Variants in PLXNB2 observed in about 807,000 individuals in gnomAD.
PLXNB2 encodes the protein plexin B2, also known as plexin-B2.
Under a neutral mutation model 202.6 loss-of-function variants are expected in PLXNB2, and 85 were observed. The observed-to-expected ratio is 0.42, with a 90% CI of 0.35 to 0.50. The LOEUF (loss-of-function observed/expected upper bound fraction) is 0.50. Among genes scored for constraint, PLXNB2 ranks in the 20% least tolerant of loss-of-function variants. PLXNB2 has a pLI of 0.02. For missense variants in PLXNB2, 2,063 were observed against 2,586.2 expected (o/e 0.80, Z 4.39); for synonymous variants, 1,239 against 1,137.6 (o/e 1.09, Z -1.79).
rs970534842 is a variant in PLXNB2 at position 50,275,223 on chromosome 22, G to A, written c.*481C>T. The A allele has an allele frequency of 1.8e-5, 6 of 341,240 alleles. No individual in the cohort carries two copies. Among genetic ancestry groups the A allele is most frequent in the Non-Finnish European group, 2.3e-5 (4 of 171,992 alleles). The allele number at this position is 341,240 out of a possible 1,614,324, so 21.1% of individuals were successfully genotyped here. ...GAGTGCCGGCACCCTTGGGGAGGCC[G>A]GTGAGGTCAGGAAGGCATCGTACCG... is the stretch of plus-strand genomic sequence containing the variant. On this transcript the variant is annotated 3_prime_UTR_variant, in exon 37 of 37. Coordinates refer to ENST00000359337, the MANE Select transcript of PLXNB2 (RefSeq NM_012401.4).
At position 50,284,448 on chromosome 22, in the gene PLXNB2, C is replaced by T. The variant is rs1245469800; in HGVS notation, c.2181+125G>A. The T allele has an allele frequency of 1.3e-6, 1 of 793,096 alleles. No individual in the cohort carries two copies. Among genetic ancestry groups the T allele is most frequent in the Admixed American group, 2.2e-5 (1 of 44,730 alleles). 49.1% of individuals were successfully genotyped at this position (793,096 alleles called of 1,614,324 possible). A position where few individuals can be genotyped will look rare whatever the true frequency, so the allele number is the denominator to read the frequency against. The stretch of plus-strand genomic sequence containing the variant: ...CCAGCAGCACAGGGCATGGCGAGCC[C>T]CTGGCTGGGCTCTGGTCCCTGGGGT... On this transcript the variant is annotated intron_variant, in intron 12 of 36. Coordinates refer to ENST00000359337, the MANE Select transcript of PLXNB2 (RefSeq NM_012401.4). This position sits in a 1 kb window ranked among gnomAD's most constrained non-coding sequence, Gnocchi z 8.0.
Position 50,278,677 on chromosome 22 carries a change from T to C in PLXNB2, c.4566A>G (p.Thr1522=). 1 of 1,611,940 alleles carries C rather than the reference T, an allele frequency of 6.2e-7. No homozygotes were observed. Residue 1522 remains threonine, a synonymous_variant, in exon 29 of 37, where the codon ACA becomes ACG. Transcript: ENST00000359337. ...SVVLEWRPGS[T]AQILSDLDLT... ...GGTCCAGGTCCGACAGGATCTGCGC[T>C]GTGGAGCCCGGACGCCACTCTGTGG...
At chr22:50,307,503 C>G (rs1032281711) in intron 1 of PLXNB2, 50 bp downstream of exon 1, 3 of 930,734 alleles carry the variant, frequency 3.2e-6, no homozygotes, top group South Asian at 9.9e-5. Flanking sequence ...CGAAGCCCCC[C>G]CCACGCCCAG....
chr22:50,306,458 G>A (rs1375257890), intron 1 of PLXNB2, among the ~76,000 whole-genome samples: 1 of 152,248 alleles, frequency 6.6e-6, no homozygotes, highest in Non-Finnish European at 1.5e-5. Context: ...TCCGTGCCAG[G>A]GTCATCTGGG....
chr22:50,275,872 CG>C lies in PLXNB2; in HGVS notation c.5412+16del. On this transcript the variant is annotated intron_variant, in intron 36 of 36. Transcript: ENST00000359337. ...CCAGCACCCCACCTGCCCCCGCCCC[CG>C]GGGGCCTGACCCTACCTCGTCATAG... 1 of 1,610,496 alleles carries C rather than the reference CG, an allele frequency of 6.2e-7. No individual in the cohort carries two copies. Among genetic ancestry groups the C allele is most frequent in the South Asian group, 1.1e-5 (1 of 90,950 alleles).
At position 50,288,035 on chromosome 22, in the gene PLXNB2, C is replaced by T. The variant is rs1383243401; in HGVS notation, c.1383G>A (p.Val461=). 3 of 1,555,804 alleles carry T rather than the reference C, an allele frequency of 1.9e-6. No homozygotes were observed. The highest frequency in any genetic ancestry group is 1.9e-5 in the Admixed American group (1 of 52,152). The change falls in exon 6 of 37, where the codon GTG becomes GTA. Residue 461 remains valine (V), a splice_region_variant and synonymous_variant. Transcript: ENST00000359337. This position sits in a 1 kb window ranked among gnomAD's most constrained non-coding sequence, Gnocchi z 5.0. The stretch of plus-strand genomic sequence containing the variant: ...GGCACTCCTGCACCGGCAGCCGGAA[C>T]ACCTAGGGCAGCGGGGCCGTGAGTG... ...GSLYAMTQDK[V]FRLPVQECLS... is the part of the protein sequence containing the mutation.
In PLXNB2 at chr22:50,290,297, G is replaced by C. The variant is rs746614593; in HGVS notation, c.288C>G (p.Val96=). Residue 96 remains valine, a synonymous_variant, in exon 3 of 37, where the codon GTC becomes GTG. Coordinates refer to ENST00000359337, the MANE Select transcript of PLXNB2 (RefSeq NM_012401.4). ...QCHEAEMTDN[V]NQLLLLDPPR... ...GAGGGTCGAGCAGCAGCAGCTGGTT[G>C]ACATTGTCAGTCATCTCAGCCTCAT... The C allele has an allele frequency of 1.2e-6, 2 of 1,611,990 alleles. No individual in the cohort carries two copies. The highest frequency in any genetic ancestry group is 1.7e-6 in the Non-Finnish European group (2 of 1,180,016).
Position 50,278,217 on chromosome 22 carries a change from T to A in PLXNB2, c.4787A>T (p.Asp1596Val), listed in dbSNP as rs2065748322. 6.2e-7 allele frequency: 1 copy of A among 1,609,650 alleles called. No individual in the cohort carries two copies. Among genetic ancestry groups the A allele is most frequent in the African/African-American group, 1.3e-5 (1 of 74,910 alleles). The change falls in exon 31 of 37, where the codon GAC (aspartate) becomes GTC (valine). Residue 1596 changes from aspartate to valine, a missense_variant. Physicochemically the swap from Asp to Val is radical, Grantham distance 152. This residue lies in a region of PLXNB2 where 760 missense variants were observed against 1,109.4 expected (regional missense o/e 0.69). Coordinates refer to ENST00000359337, the MANE Select transcript of PLXNB2 (RefSeq NM_012401.4). ...CTTGGACTTGCCCTCGTCCACCTCG[T>A]CGGTCGGCCGCACCAGGTGCCACAC... is the stretch of plus-strand genomic sequence containing the variant. Reference protein sequence around the residue: ...NRVWHLVRPTDEVDEGKSKRG... With the variant: ...NRVWHLVRPTVEVDEGKSKRG...
chr22:50,282,664 C>A, intron 18 of PLXNB2, 47 bp downstream of exon 18: 1 of 1,377,966 alleles, frequency 7.3e-7, no homozygotes, highest in Non-Finnish European at 1.0e-6. Flanking sequence ...ACTGAGGAGG[C>A]AGCTGGGTGT....
chr22:50,275,559 G>A lies in PLXNB2; in HGVS notation c.*145C>T. 1.5e-6 allele frequency: 1 copy of A among 646,436 alleles called. No individual in the cohort carries two copies. The highest frequency in any genetic ancestry group is 2.8e-6 in the Non-Finnish European group (1 of 353,464). The allele number at this position is 646,436 out of a possible 1,614,324, so 40.0% of individuals were successfully genotyped here. On this transcript the variant is annotated 3_prime_UTR_variant, in exon 37 of 37. Transcript: ENST00000359337. ...GAAGATGCTACAGTCTAGACGCTGG[G>A]CGGGTTCCGGCTGCACCCACTCCGG...
chr22:50,276,424 A>ACGGCCGTGGATGGAGCCACAGGGAGG (rs1569154907), intron 35 of PLXNB2, among the ~76,000 whole-genome samples: 32 of 151,876 alleles, frequency 2.1e-4, no homozygotes, highest in Admixed American at 3.9e-4. Context: ...CGCTGTGGGC[A>ACGGCCGTGGATGGAGCCACAGGGAGG]GGGCCTGGCT....
Position 50,281,877 on chromosome 22 carries a change from C to T in PLXNB2, c.3322G>A (p.Val1108Ile). Residue 1108 changes from valine (V) to isoleucine (I), a missense_variant, in exon 20 of 37, where the codon GTC becomes ATC. By Grantham distance (29) the Val-to-Ile change is conservative. Coordinates refer to ENST00000359337, the MANE Select transcript of PLXNB2 (RefSeq NM_012401.4). ...ENFTGGVKKQ[V>I]NKLIHARGTN... ...ACCCGGGCGTGGATGAGCTTGTTGACCTGCTTCTTGACGCCACCTGTGAAG... is the reference window on the plus strand; with the variant it reads ...ACCCGGGCGTGGATGAGCTTGTTGATCTGCTTCTTGACGCCACCTGTGAAG... 1 of 1,612,890 alleles carries T rather than the reference C, an allele frequency of 6.2e-7. No individual in the cohort carries two copies. The highest frequency in any genetic ancestry group is 8.5e-7 in the Non-Finnish European group (1 of 1,179,962).
chr22:50,276,547 T>A, intron 35 of PLXNB2, 82 bp downstream of exon 35: 1 of 1,197,036 alleles, frequency 8.4e-7, no homozygotes, highest in Non-Finnish European at 1.2e-6. Flanking sequence ...ACATTACCCC[T>A]GCCCTGCAGC....
At chr22:50,277,445 A>T in intron 33 of PLXNB2, 146 bp downstream of exon 33, 1 of 795,254 alleles carries the variant, frequency 1.3e-6, no homozygotes. Context: ...CTGTGCCCCC[A>T]GCCTCCGCCA....
Position 50,276,676 on chromosome 22 carries a change from G to A in PLXNB2, c.5290C>T (p.Gln1764Ter). The A allele has an allele frequency of 6.2e-7, 1 of 1,613,762 alleles. No homozygotes were observed. Among genetic ancestry groups the A allele is most frequent in the Non-Finnish European group, 8.5e-7 (1 of 1,179,818 alleles). ...GTGTTCATGTCCTGGTCGCTGACCTGCACCATCTGCCGGATCCCCTTGTAG... is the reference window on the plus strand; with the variant it reads ...GTGTTCATGTCCTGGTCGCTGACCTACACCATCTGCCGGATCCCCTTGTAG... Reference protein sequence around the residue: ...DYYKGIRQMVQVSDQDMNTHL... With the variant: ...DYYKGIRQMV The change falls in exon 35 of 37, where the codon CAG becomes TAG. Residue 1764 changes from glutamine (Q) to a stop codon, truncating the protein, a stop_gained. Coordinates refer to ENST00000359337, the MANE Select transcript of PLXNB2 (RefSeq NM_012401.4). LOFTEE classifies it high-confidence loss of function.
Position 50,291,295 on chromosome 22 carries a change from C to A in PLXNB2, c.-13-698G>T, listed in dbSNP as rs1012893151. 5.9e-5 allele frequency among the ~76,000 whole-genome samples: 9 copies of A among 152,188 alleles called. No individual in the cohort carries two copies. The highest frequency in any genetic ancestry group is 1.3e-4 in the Non-Finnish European group (9 of 68,024). The stretch of plus-strand genomic sequence containing the variant: ...CGCCCAGGGCACAGCCTCTGATGTG[C>A]GCACAGCGGAGGCAACAAGGGGACC... On this transcript the variant is annotated intron_variant, in intron 2 of 36. Coordinates refer to ENST00000359337, the MANE Select transcript of PLXNB2 (RefSeq NM_012401.4). This position sits in a 1 kb window ranked among gnomAD's most constrained non-coding sequence, Gnocchi z 4.3.
intron 23 of PLXNB2, 51 bp downstream of exon 23, chr22:50,281,038 G>A (rs757038334): frequency 2.5e-6 from 4 of 1,598,890 alleles, no homozygotes; most frequent in East Asian, 2.2e-5. Context: ...GCTACACACA[G>A]CATCCCCGCC....
At position 50,302,627 on chromosome 22, in the gene PLXNB2, G is replaced by A. The variant is rs532107871; in HGVS notation, c.-74+4926C>T. 2.6e-3 allele frequency among the ~76,000 whole-genome samples: 395 copies of A among 152,306 alleles called. 1 individual carries two copies. Among genetic ancestry groups the A allele is most frequent in the Non-Finnish European group, 4.6e-3 (310 of 68,008 alleles). ...CTTTTCTCCTGAAGTCCCTCAGGGT[G>A]GTCACCAGATCAGGCTCGGTGCCAA... On this transcript the variant is annotated intron_variant, in intron 1 of 36. Coordinates refer to ENST00000359337, the MANE Select transcript of PLXNB2 (RefSeq NM_012401.4).
chr22:50,276,356 G>A, intron 35 of PLXNB2, among the ~76,000 whole-genome samples: 2 of 151,206 alleles, frequency 1.3e-5, no homozygotes, highest in Admixed American at 6.6e-5. Context: ...GGCCGAGGGT[G>A]CAGCCGCAGG....
Sources: allele counts gnomAD v4.1 joint callset (sites outside exome capture counted in the v4.1 genomes callset), GRCh38; gene constraint gnomAD v4.1.1; regional missense constraint gnomAD v4.1.1; non-coding constraint Gnocchi (gnomAD v3.1); transcripts MANE v1.5; gene names NCBI Gene and HGNC (gene_info 2026-07-23, HGNC 2026-07-21).